Variants in SGCZ observed in about 807,000 individuals in gnomAD.
The protein encoded by SGCZ is sarcoglycan zeta, also known as zeta-sarcoglycan.
SGCZ carries 40 observed loss-of-function variants against 41.3 expected under a neutral mutation model. The observed-to-expected ratio is 0.97, with a 90% confidence interval of 0.75 to 1.26. SGCZ has a LOEUF of 1.26. SGCZ is among the 50% of genes most tolerant of loss of function. The probability of loss-of-function intolerance (pLI) is 0.00; values close to 1 mark genes in which losing one functional copy is unlikely to be tolerated. For missense variants in SGCZ, 552 were observed against 369.8 expected (o/e 1.49, Z -4.04); for synonymous variants, 206 against 137.5 (o/e 1.50, Z -3.49).
chr8:14,533,632 G>C (rs1478040389), intron 2 of SGCZ, among the ~76,000 whole-genome samples: 1 of 151,894 alleles, frequency 6.6e-6, no homozygotes, highest in Non-Finnish European at 1.5e-5. Context: ...TTCCAATCTA[G>C]GATCAGCCAG....
chr8:14,314,331 C>G (rs1161731416), intron 3 of SGCZ, among the ~76,000 whole-genome samples: 1 of 152,018 alleles, frequency 6.6e-6, no homozygotes, highest in East Asian at 1.9e-4. Flanking sequence ...CTGAAACTAT[C>G]TCATACTTTC....
At chr8:14,228,348 T>C (rs1806445861) in intron 4 of SGCZ, among the ~76,000 whole-genome samples, 1 of 152,102 alleles carries the variant, frequency 6.6e-6, no homozygotes. Context: ...TCTAATAAAA[T>C]ATCTAAAAGA....
At chr8:14,846,889 G>A (rs967681698) in intron 1 of SGCZ, among the ~76,000 whole-genome samples, 1 of 151,860 alleles carries the variant, frequency 6.6e-6, no homozygotes, top group African/African-American at 2.4e-5. Context: ...GGGCAACTCG[G>A]TGAAACGACA....
At chr8:14,498,198 A>G (rs578002806) in intron 2 of SGCZ, among the ~76,000 whole-genome samples, 2 of 152,330 alleles carry the variant, frequency 1.3e-5, no homozygotes, top group Admixed American at 6.5e-5. Flanking sequence ...ACTCTGTCAT[A>G]TGCTGATAAC....
intron 2 of SGCZ, among the ~76,000 whole-genome samples, chr8:14,473,893 A>T (rs1003950683): frequency 6.6e-6 from 1 of 151,174 alleles, no homozygotes; most frequent in African/African-American, 2.4e-5. Flanking sequence ...AGCCAAGATC[A>T]CACCACTGCA....
chr8:14,142,652 A>G (rs1296284634), intron 5 of SGCZ, among the ~76,000 whole-genome samples: 4 of 151,770 alleles, frequency 2.6e-5, no homozygotes, highest in Non-Finnish European at 4.4e-5. Flanking sequence ...ATATGGTTGG[A>G]CTCTGTGTTC....
chr8:14,335,257 C>G (rs1315037704), intron 2 of SGCZ, among the ~76,000 whole-genome samples: 1 of 152,102 alleles, frequency 6.6e-6, no homozygotes, highest in Admixed American at 6.5e-5. Flanking sequence ...GAAGATCCTT[C>G]CAAACATCAA....
At chr8:14,802,807 C>A (rs372023465) in intron 1 of SGCZ, among the ~76,000 whole-genome samples, 3 of 152,072 alleles carry the variant, frequency 2.0e-5, no homozygotes, top group South Asian at 4.1e-4. Flanking sequence ...AGCGAATGTT[C>A]CAAGAAATAG....
rs533783908 is a variant in SGCZ, at chr8:14,699,239, T to C, written c.40-144313A>G. Among the ~76,000 whole-genome samples the C allele has an allele frequency of 8.7e-5, 13 of 149,718 alleles. No individual in the cohort carries two copies. The East Asian group carries it at 2.5e-3, about 29-fold the overall frequency. On this transcript the variant is annotated intron_variant, in intron 1 of 7. Coordinates refer to ENST00000382080, the MANE Select transcript of SGCZ (RefSeq NM_139167.4). Reference sequence around the variant, plus strand: ...ATATAATATATAAATCTCATATATATATGCATATATATATACCAATCTTTT... The same window carrying C: ...ATATAATATATAAATCTCATATATACATGCATATATATATACCAATCTTTT...
At chr8:14,755,534 C>G (rs565202755) in intron 1 of SGCZ, among the ~76,000 whole-genome samples, 1 of 152,274 alleles carries the variant, frequency 6.6e-6, no homozygotes, top group Admixed American at 6.5e-5. Context: ...TTAATAAGCT[C>G]TTAACAACAA....
intron 1 of SGCZ, among the ~76,000 whole-genome samples, chr8:15,103,980 C>G (rs79274084): frequency 6.6e-6 from 1 of 152,202 alleles, no homozygotes; most frequent in African/African-American, 2.4e-5. Flanking sequence ...TTTAAGTGAC[C>G]GTACGCTGGA....
chr8:14,441,378 C>T (rs1295153349), intron 2 of SGCZ, among the ~76,000 whole-genome samples: 1 of 152,054 alleles, frequency 6.6e-6, no homozygotes, highest in Non-Finnish European at 1.5e-5. Context: ...AGATTGAGGC[C>T]ATCCTGTCCA....
intron 2 of SGCZ, among the ~76,000 whole-genome samples, chr8:14,414,318 A>G (rs1799439190): frequency 6.6e-6 from 1 of 151,936 alleles, no homozygotes; most frequent in Non-Finnish European, 1.5e-5. Context: ...GATATACTAT[A>G]TACGTATGAC....
At chr8:14,217,179 C>G (rs1026178145) in intron 4 of SGCZ, among the ~76,000 whole-genome samples, 3 of 150,926 alleles carry the variant, frequency 2.0e-5, no homozygotes, top group South Asian at 2.1e-4. Context: ...ACCTGTAGTC[C>G]TAGCTATTTG....
chr8:15,205,154 C>T (rs1431435090), intron 1 of SGCZ, among the ~76,000 whole-genome samples: 1 of 152,026 alleles, frequency 6.6e-6, no homozygotes, highest in Non-Finnish European at 1.5e-5. Flanking sequence ...TATAAAAGCC[C>T]TGGAAAACAA....
At chr8:14,608,865 G>T (rs1444916769) in intron 1 of SGCZ, among the ~76,000 whole-genome samples, 2 of 151,958 alleles carry the variant, frequency 1.3e-5, no homozygotes, top group Admixed American at 1.3e-4. Context: ...ACAAAAAAAA[G>T]GTCCAACTTT....
chr8:14,365,547 G>A (rs565352509), intron 2 of SGCZ, among the ~76,000 whole-genome samples: 2 of 151,960 alleles, frequency 1.3e-5, no homozygotes, highest in Non-Finnish European at 2.9e-5. Context: ...CTCAGGTTTT[G>A]GCAACTACTT....
chr8:14,479,155 G>T (rs1369421935), intron 2 of SGCZ, among the ~76,000 whole-genome samples: 2 of 152,204 alleles, frequency 1.3e-5, no homozygotes, highest in East Asian at 1.9e-4. Flanking sequence ...AAGGAAGCCA[G>T]TCCGAGTCCC....
At chr8:14,341,598 A>T (rs1157170011) in intron 2 of SGCZ, among the ~76,000 whole-genome samples, 1 of 152,072 alleles carries the variant, frequency 6.6e-6, no homozygotes, top group African/African-American at 2.4e-5. Flanking sequence ...GCCAACTGGT[A>T]TGGTTTGGCT....
Sources: allele counts gnomAD v4.1 joint callset (sites outside exome capture counted in the v4.1 genomes callset), GRCh38; gene constraint gnomAD v4.1.1; transcripts MANE v1.5; gene names NCBI Gene and HGNC (gene_info 2026-07-23, HGNC 2026-07-21).